KIF21B: variants seen among roughly 807,000 people sequenced by gnomAD.
KIF21B encodes kinesin-like protein KIF21B.
KIF21B carries 85 observed loss-of-function variants against 192.9 expected under a neutral mutation model. The observed-to-expected ratio is 0.44, with a 90% CI of 0.37 to 0.53. The LOEUF is 0.53. KIF21B is among the 20% of genes least tolerant of loss of function. KIF21B has a pLI of 0.00. For missense variants in KIF21B, 1,716 were observed against 2,194.8 expected, an observed-to-expected ratio of 0.78 and a Z score of 4.36; for synonymous variants, 832 against 884.6, an observed-to-expected ratio of 0.94 and a Z score of 1.05.
intron 30 of KIF21B, among the ~76,000 whole-genome samples, chr1:200,977,687 C>T (rs1026052969): frequency 1.3e-5 from 2 of 151,312 alleles, no homozygotes; most frequent in Non-Finnish European, 2.9e-5. Context: ...CTCTGAGTCT[C>T]GGTTTCCTCA....
chr1:201,001,941 T>C (rs1313452783), intron 9 of KIF21B: 1 of 581,644 alleles, frequency 1.7e-6, no homozygotes, highest in Admixed American at 3.0e-5. Flanking sequence ...TTTCACTTCA[T>C]ATAGTGATGT....
intron 34 of KIF21B, 101 bp downstream of exon 34, chr1:200,974,613 C>A: frequency 1.6e-6 from 2 of 1,263,852 alleles, no homozygotes; most frequent in Middle Eastern, 2.0e-4. Flanking sequence ...GTGAACCGAG[C>A]CTGCGGGGAC....
rs924926163 is a variant in KIF21B, at chr1:201,009,501, G to T, written c.42-13C>A. 1.2e-6 allele frequency: 2 copies of T among 1,611,688 alleles called. No homozygotes were observed. The highest frequency in any genetic ancestry group is 1.3e-5 in the African/African-American group (1 of 74,910). Reference sequence around the variant, plus strand: ...CTGGGGCCGGATCCTGCCCATGATGGAGAGAGCCCTGGGTCAGGCCCAGCT... The same window carrying T: ...CTGGGGCCGGATCCTGCCCATGATGTAGAGAGCCCTGGGTCAGGCCCAGCT... On this transcript the variant is annotated splice_polypyrimidine_tract_variant and intron_variant, in intron 1 of 34. Transcript: ENST00000461742.
At chr1:200,991,456 T>C (rs1437517775) in intron 17 of KIF21B, among the ~76,000 whole-genome samples, 2 of 152,226 alleles carry the variant, frequency 1.3e-5, no homozygotes, top group Admixed American at 1.3e-4. Flanking sequence ...CCAAATATGC[T>C]TGCTGAATGG....
Position 200,990,418 on chromosome 1 carries a change from C to T in KIF21B, c.2836-86G>A. 2 of 1,490,624 alleles carry T rather than the reference C, an allele frequency of 1.3e-6. No homozygotes were observed. The highest frequency in any genetic ancestry group is 1.8e-6 in the Non-Finnish European group (2 of 1,101,946). 92.3% of individuals were successfully genotyped at this position (1,490,624 alleles called of 1,614,324 possible). ...CCCTGCCCATAGCTTCCACCACAGG[C>T]TGGCCTGTGAGGTCCCCCCAGCACC... On this transcript the variant is annotated intron_variant, in intron 19 of 34. Transcript: ENST00000461742. This position sits in a 1 kb window ranked among gnomAD's most constrained non-coding sequence, Gnocchi z 5.4.
chr1:201,013,823 T>C (rs779580036), intron 1 of KIF21B, among the ~76,000 whole-genome samples: 50 of 152,210 alleles, frequency 3.3e-4, no homozygotes, highest in Admixed American at 2.7e-3. Context: ...AATTAGCAAA[T>C]TGTGGCCCAC....
chr1:200,999,913 G>C lies in KIF21B; in HGVS notation c.1737C>G (p.Ser579Arg). 2 of 1,613,904 alleles carry C rather than the reference G, an allele frequency of 1.2e-6. No homozygotes were observed. The highest frequency in any genetic ancestry group is 1.7e-6 in the Non-Finnish European group (2 of 1,179,996). ...KKRAKLQQEN[S>R]EETDENEAEE... is the part of the protein sequence containing the mutation. The stretch of plus-strand genomic sequence containing the variant: ...CCGCCTCGTTCTCATCCGTCTCCTC[G>C]CTGTTCTCCTGTTGGAGTTTTGCCC... Residue 579 changes from serine to arginine, a missense_variant, in exon 12 of 35, where the codon AGC (serine) becomes AGG (arginine). Around this residue, in one of 3 missense-constraint regions of KIF21B, gnomAD observed 1,087 missense variants for 1,316.6 expected, o/e 0.83. Transcript: ENST00000461742. This position sits in a 1 kb window ranked among gnomAD's most constrained non-coding sequence, Gnocchi z 4.7.
At chr1:201,005,877 A>G (rs952832932) in intron 3 of KIF21B, among the ~76,000 whole-genome samples, 183 bp from the exon 4 acceptor site, 1 of 152,220 alleles carries the variant, frequency 6.6e-6, no homozygotes, top group Non-Finnish European at 1.5e-5. Context: ...CCCTGGGCAG[A>G]ACTAGCTGGA....
At position 200,998,219 on chromosome 1, in the gene KIF21B, C is replaced by T. The variant is rs138459143; in HGVS notation, c.2077+165G>A. ...ATGTTTCATAGGAACTAGGGTTAGACGTAAGAACCTTTAACTGTGGGTCAA... is the reference window on the plus strand; with the variant it reads ...ATGTTTCATAGGAACTAGGGTTAGATGTAAGAACCTTTAACTGTGGGTCAA... On this transcript the variant is annotated intron_variant, in intron 14 of 34. Coordinates refer to ENST00000461742, the MANE Select transcript of KIF21B (RefSeq NM_001252102.2). This position sits in a 1 kb window ranked among gnomAD's most constrained non-coding sequence, Gnocchi z 4.3. Among the ~76,000 whole-genome samples the T allele has an allele frequency of 1.3e-5, 2 of 152,210 alleles. No homozygotes were observed. The highest frequency in any genetic ancestry group is 3.4e-3 in the Middle Eastern group (1 of 294).
chr1:200,988,702 G>C, intron 22 of KIF21B, 64 bp downstream of exon 22: 2 of 1,556,862 alleles, frequency 1.3e-6, no homozygotes, highest in Non-Finnish European at 1.7e-6. Flanking sequence ...GCCTTGTGGG[G>C]GTCTGAGCCC....
rs1655137542 is a variant in KIF21B, at chr1:200,969,995, G to C, written c.*3526C>G. 1 of 152,554 alleles carries C rather than the reference G, an allele frequency of 6.6e-6. No individual in the cohort carries two copies. The allele number at this position is 152,554 out of a possible 1,614,324, so 9.5% of individuals were successfully genotyped here. A position where few individuals can be genotyped will look rare whatever the true frequency, so the allele number is the denominator to read the frequency against. On this transcript the variant is annotated 3_prime_UTR_variant, in exon 35 of 35. Transcript: ENST00000461742. ...GATGGCAAAGGGACACATACCACAG[G>C]TCCGGGACACACAGTGGGAAGAAAG...
Position 201,005,485 on chromosome 1 carries a change from G to A in KIF21B, c.598-43C>T. ...AGTGAGGGCTTGGGACTACCGTGGT[G>A]CCAGCCCCTGCCCTTTCAGGATGCC... On this transcript the variant is annotated intron_variant, in intron 4 of 34. Coordinates refer to ENST00000461742, the MANE Select transcript of KIF21B (RefSeq NM_001252102.2). The A allele has an allele frequency of 1.9e-6, 3 of 1,594,984 alleles. No individual in the cohort carries two copies. In the East Asian group the frequency reaches 6.7e-5, roughly 36 times the overall value.
At chr1:200,994,114 C>T (rs1345518937) in intron 15 of KIF21B, among the ~76,000 whole-genome samples, 2 of 152,186 alleles carry the variant, frequency 1.3e-5, no homozygotes, top group East Asian at 1.9e-4. Flanking sequence ...CTCATCCACC[C>T]GACTTTGCAT....
intron 1 of KIF21B, among the ~76,000 whole-genome samples, chr1:201,016,309 G>T (rs1658499731): frequency 6.6e-6 from 1 of 152,240 alleles, no homozygotes; most frequent in Admixed American, 6.5e-5. Flanking sequence ...CAAGCTGTCT[G>T]CTGGGAAAGC....
chr1:200,994,345 C>T (rs572445610), intron 15 of KIF21B, among the ~76,000 whole-genome samples: 1 of 152,236 alleles, frequency 6.6e-6, no homozygotes, highest in Admixed American at 6.5e-5. Context: ...TGTAGCTGAA[C>T]AGCCATGGGA....
chr1:201,007,741 CAT>C (rs1402930000), intron 3 of KIF21B, among the ~76,000 whole-genome samples: 2 of 151,444 alleles, frequency 1.3e-5, no homozygotes, highest in South Asian at 4.2e-4. Flanking sequence ...CACACACACA[CAT>C]ACACAGATGC....
At chr1:200,986,142 T>C (rs2102400801) in intron 26 of KIF21B, among the ~76,000 whole-genome samples, 1 of 151,864 alleles carries the variant, frequency 6.6e-6, no homozygotes, top group South Asian at 2.1e-4. Context: ...GCCTTTCCTT[T>C]AAATTTCTAA....
In KIF21B at chr1:200,975,383, T is replaced by G. The variant is rs887597683; in HGVS notation, c.4614+116A>C. ...GAGAACAGGAGGGCTTGGGGAGCTGTGAAAACCATCTGGCCTGGGGCCCGC... is the reference window on the plus strand; with the variant it reads ...GAGAACAGGAGGGCTTGGGGAGCTGGGAAAACCATCTGGCCTGGGGCCCGC... On this transcript the variant is annotated intron_variant, in intron 33 of 34. Transcript: ENST00000461742. This position sits in a 1 kb window ranked among gnomAD's most constrained non-coding sequence, Gnocchi z 4.3. The G allele has an allele frequency of 3.3e-6, 3 of 900,788 alleles. No homozygotes were observed. Among genetic ancestry groups the G allele is most frequent in the Non-Finnish European group, 5.2e-6 (3 of 581,546 alleles). The allele number at this position is 900,788 out of a possible 1,614,324, so 55.8% of individuals were successfully genotyped here.
chr1:201,016,456 C>T (rs768907425), intron 1 of KIF21B, among the ~76,000 whole-genome samples: 1 of 152,250 alleles, frequency 6.6e-6, no homozygotes, highest in Non-Finnish European at 1.5e-5. Flanking sequence ...TACACCCCCA[C>T]TTTAATGAGC....
Sources: gnomAD v4.1 joint callset for allele counts (sites outside exome capture counted in the v4.1 genomes callset) on GRCh38, gnomAD v4.1.1 for gene constraint, gnomAD v4.1.1 regional missense constraint, Gnocchi (gnomAD v3.1) non-coding constraint, MANE v1.5 for transcripts, NCBI Gene and HGNC (gene_info 2026-07-23, HGNC 2026-07-21) for gene names.